Variants in ECPAS observed in about 807,000 individuals in gnomAD.
ECPAS encodes Ecm29 proteasome adaptor and scaffold.
In ECPAS, 70 loss-of-function variants were observed where a neutral mutation model predicts 255.1. That is an observed-to-expected ratio of 0.27 (90% CI 0.23 to 0.33). The LOEUF is 0.33. Ranked by LOEUF, ECPAS falls within the 10% of genes least tolerant of loss-of-function variation. ECPAS has a pLI of 1.00. For synonymous variants in ECPAS, 784 were observed against 775.0 expected (o/e 1.01, Z -0.19); for missense variants, 1,817 against 2,206.4 (o/e 0.82, Z 3.54).
At chr9:111,416,459 CTTCT>C in intron 17 of ECPAS, 107 bp from the exon 18 acceptor site, 1 of 771,158 alleles carries the variant, frequency 1.3e-6, no homozygotes, top group South Asian at 1.6e-5. Context: ...CCTAAGTTTG[CTTCT>C]TTTTCTGATC....
At chr9:111,458,323 C>A (rs10759497) in intron 2 of ECPAS, among the ~76,000 whole-genome samples, 1 of 151,972 alleles carries the variant, frequency 6.6e-6, no homozygotes, top group Non-Finnish European at 1.5e-5. Context: ...ATGTTATATA[C>A]GGCTATCATA....
At chr9:111,481,419 T>C (rs1191474491) in intron 1 of ECPAS, among the ~76,000 whole-genome samples, 1 of 151,710 alleles carries the variant, frequency 6.6e-6, no homozygotes, top group Non-Finnish European at 1.5e-5. Flanking sequence ...GGCATAAGAA[T>C]GGCGTGAACC....
Sources: gnomAD v4.1 joint callset for allele counts (sites outside exome capture counted in the v4.1 genomes callset) on GRCh38, gnomAD v4.1.1 for gene constraint, MANE v1.5 for transcripts, NCBI Gene and HGNC (gene_info 2026-07-23, HGNC 2026-07-21) for gene names.